PLOD3: variants seen among roughly 807,000 people sequenced by gnomAD.
PLOD3 encodes multifunctional procollagen lysine hydroxylase and glycosyltransferase LH3.
In PLOD3, 73 loss-of-function variants were observed where a neutral mutation model predicts 96.9. The ratio of observed to expected loss-of-function variants is 0.75; its 90% CI spans 0.62 to 0.92. The LOEUF is 0.92. PLOD3 is among the 40% of genes least tolerant of loss of function. The probability of loss-of-function intolerance (pLI) is 0.00; values close to 1 mark genes in which losing one functional copy is unlikely to be tolerated. For synonymous variants in PLOD3, 454 were observed against 413.7 expected (o/e 1.10, Z -1.18); for missense variants, 1,004 against 1,004.3 (o/e 1.00, Z 0.00).
At chr7:101,210,788 T>C in intron 12 of PLOD3, 115 bp from the exon 13 acceptor site, 2 of 1,151,992 alleles carry the variant, frequency 1.7e-6, no homozygotes, top group South Asian at 2.8e-5. Context: ...ATAAGGCCCC[T>C]GCATGTCCCT....
chr7:101,215,739 C>T (rs1161611682), intron 5 of PLOD3, among the ~76,000 whole-genome samples, 169 bp downstream of exon 5: 1 of 152,124 alleles, frequency 6.6e-6, no homozygotes, highest in Non-Finnish European at 1.5e-5. Flanking sequence ...TGGACTCAAG[C>T]AATCCTCCTG....
rs761576023 is a variant in PLOD3 at position 101,206,862 on chromosome 7, C to T, written c.1978G>A (p.Glu660Lys). The change falls in exon 18 of 19, where the codon GAG (glutamate) becomes AAG (lysine). Residue 660 changes from glutamate (E) to lysine (K), a missense_variant. By Grantham distance (56) the Glu-to-Lys change is moderately conservative (BLOSUM62 1). Around this residue, in one of 5 missense-constraint regions of PLOD3, gnomAD observed 222 missense variants for 220.4 expected, o/e 1.01. Coordinates refer to ENST00000223127, the MANE Select transcript of PLOD3 (RefSeq NM_001084.5). ...MNFVVRYRPD[E>K]QPSLRPHHDS... is the part of the protein sequence containing the mutation. The stretch of plus-strand genomic sequence containing the variant: ...TGGTGTGGCCGCAGAGACGGCTGCT[C>T]GTCTGGCCGGTAGCGAACCACAAAG... The T allele has an allele frequency of 9.6e-6, 15 of 1,562,776 alleles. No individual in the cohort carries two copies. Among genetic ancestry groups the T allele is most frequent in the East Asian group, 7.1e-5 (3 of 42,236 alleles).
chr7:101,216,544 G>A lies in PLOD3; in HGVS notation c.204C>T (p.Thr68=), dbSNP rs1053226368. The A allele has an allele frequency of 6.2e-7, 1 of 1,613,988 alleles. No homozygotes were observed. The highest frequency in any genetic ancestry group is 1.7e-5 in the Admixed American group (1 of 59,998). The stretch of plus-strand genomic sequence containing the variant: ...CTCGCCACTCCTCTCCCAGGCCCAG[G>A]GTCTGTGGAGAAGATTGCCCCGTGC... ...SAEFFNYTVR[T]LGLGEEWRGG... is the part of the protein sequence containing the mutation. The change falls in exon 3 of 19, where the codon ACC becomes ACT. Residue 68 remains threonine (T), a splice_region_variant and synonymous_variant. Coordinates refer to ENST00000223127, the MANE Select transcript of PLOD3 (RefSeq NM_001084.5).
At chr7:101,215,365 A>C (rs539745568) in intron 5 of PLOD3, among the ~76,000 whole-genome samples, 14 of 152,296 alleles carry the variant, frequency 9.2e-5, no homozygotes, top group South Asian at 4.1e-4. Context: ...GGAGAGTGTC[A>C]CCACGCCTGG....
At chr7:101,214,843 A>G (rs1377213302) in intron 6 of PLOD3, among the ~76,000 whole-genome samples, 1 of 152,216 alleles carries the variant, frequency 6.6e-6, no homozygotes. Context: ...TCTCAAAAAA[A>G]AAAGTCCCTG....
At chr7:101,215,830 G>T (rs1426617095) in intron 5 of PLOD3, 78 bp downstream of exon 5, 1 of 1,001,516 alleles carries the variant, frequency 1.0e-6, no homozygotes, top group Non-Finnish European at 1.6e-6. Flanking sequence ...AACCCCCTTT[G>T]CTCCCCAAAT....
Position 101,208,835 on chromosome 7 carries a change from C to T in PLOD3, c.1788+18G>A. The T allele has an allele frequency of 6.5e-7, 1 of 1,529,686 alleles. No homozygotes were observed. Among genetic ancestry groups the T allele is most frequent in the Non-Finnish European group, 9.1e-7 (1 of 1,103,232 alleles). 94.8% of individuals were successfully genotyped at this position (1,529,686 alleles called of 1,614,324 possible). A position where few individuals can be genotyped will look rare whatever the true frequency, so the allele number is the denominator to read the frequency against. On this transcript the variant is annotated intron_variant, in intron 16 of 18. Coordinates refer to ENST00000223127, the MANE Select transcript of PLOD3 (RefSeq NM_001084.5). ...CCTCCTCTGGGAAGGCCTCTGCCCTCCTCGCCCAGGCCCTTACCTCATGCC... is the reference window on the plus strand; with the variant it reads ...CCTCCTCTGGGAAGGCCTCTGCCCTTCTCGCCCAGGCCCTTACCTCATGCC...
At position 101,212,396 on chromosome 7, in the gene PLOD3, G is replaced by A. The variant is rs892836045; in HGVS notation, c.1006-22C>T. On this transcript the variant is annotated intron_variant, in intron 9 of 18. Transcript: ENST00000223127. ...CCTCCTGGGAGGGGAAGACATAGGG[G>A]GATGGGCTCAGAGGGCAGGGAGGCG... 9 of 1,612,584 alleles carry A rather than the reference G, an allele frequency of 5.6e-6. No individual in the cohort carries two copies. In the South Asian group the frequency reaches 9.9e-5, roughly 18 times the overall value.
Position 101,207,593 on chromosome 7 carries a change from G to A in PLOD3, c.1920C>T (p.Pro640=), listed in dbSNP as rs760975258. 19 of 1,614,040 alleles carry A rather than the reference G, an allele frequency of 1.2e-5. No homozygotes were observed. Among genetic ancestry groups the A allele is most frequent in the Middle Eastern group, 3.3e-4 (2 of 6,060 alleles). Residue 640 remains proline (P), a synonymous_variant, in exon 17 of 19, where the codon CCC becomes CCT. Transcript: ENST00000223127. ...YVGPMTESLF[P]GYHTKARAVM... ...GGCAGCGCACCTTGGTGTGGTAACCGGGAAACAGGCTCTCGGTCATGGGGC... is the reference window on the plus strand; with the variant it reads ...GGCAGCGCACCTTGGTGTGGTAACCAGGAAACAGGCTCTCGGTCATGGGGC...
Position 101,210,342 on chromosome 7 carries a change from C to T in PLOD3, c.1603G>A (p.Asp535Asn), listed in dbSNP as rs1000275756. 8.1e-6 allele frequency: 13 copies of T among 1,613,780 alleles called. No homozygotes were observed. Among genetic ancestry groups the T allele is most frequent in the African/African-American group, 6.7e-5 (5 of 74,936 alleles). Reference sequence around the variant, plus strand: ...GGGTCCCCACTCACGACGGGGTTGTCGAAGATCTGCCAGAGGTCGGGGTGC... The same window carrying T: ...GGGTCCCCACTCACGACGGGGTTGTTGAAGATCTGCCAGAGGTCGGGGTGC... ...HLHPDLWQIF[D>N]NPVDWKEQYI... The change falls in exon 14 of 19, where the codon GAC becomes AAC. Residue 535 changes from aspartate (D) to asparagine (N), a missense_variant. By Grantham distance (23) the Asp-to-Asn change is conservative. This residue lies in a region of PLOD3 where 65 missense variants were observed against 68.8 expected (regional missense o/e 0.94). Transcript: ENST00000223127.
rs368456141 is a variant in PLOD3, at chr7:101,206,903, G to A, written c.1937C>T (p.Ala646Val). 1.0e-5 allele frequency: 16 copies of A among 1,556,096 alleles called. No individual in the cohort carries two copies. Among genetic ancestry groups the A allele is most frequent in the East Asian group, 2.4e-5 (1 of 41,680 alleles). Residue 646 changes from alanine (A) to valine (V), a missense_variant and splice_region_variant, in exon 18 of 19, where the codon GCG (alanine) becomes GTG (valine). This residue lies in a region of PLOD3 where 222 missense variants were observed against 220.4 expected (regional missense o/e 1.01). Coordinates refer to ENST00000223127, the MANE Select transcript of PLOD3 (RefSeq NM_001084.5). The part of the protein sequence containing the change: ...ESLFPGYHTK[A>V]RAVMNFVVRY... Reference sequence around the variant, plus strand: ...AACCACAAAGTTCATCACCGCCCGCGCCTGGGGGAGAGGAGGGAAGAGGCT... The same window carrying A: ...AACCACAAAGTTCATCACCGCCCGCACCTGGGGGAGAGGAGGGAAGAGGCT...
chr7:101,207,429 G>A, intron 17 of PLOD3, 149 bp downstream of exon 17: 1 of 805,022 alleles, frequency 1.2e-6, no homozygotes, highest in Non-Finnish European at 2.0e-6. Flanking sequence ...TCCCTCCCCT[G>A]GGGTGCCTCC....
At chr7:101,210,070 G>GAGGGGAGGC in intron 15 of PLOD3, 23 bp downstream of exon 15, 1 of 1,522,816 alleles carries the variant, frequency 6.6e-7, no homozygotes, top group Non-Finnish European at 8.9e-7. Flanking sequence ...CAGGGGGTGG[G>GAGGGGAGGC]TGGGGAGGCT....
In PLOD3 at chr7:101,211,970, T is replaced by C; in HGVS notation, c.1128-20A>G. On this transcript the variant is annotated intron_variant, in intron 10 of 18. Transcript: ENST00000223127. Reference sequence around the variant, plus strand: ...AGGTCCCTGGAGGTGAGAGGCGAGCTGAGACGGCGGCAGGTGGGGAGGCGG... The same window carrying C: ...AGGTCCCTGGAGGTGAGAGGCGAGCCGAGACGGCGGCAGGTGGGGAGGCGG... 2 of 1,544,528 alleles carry C rather than the reference T, an allele frequency of 1.3e-6. No individual in the cohort carries two copies. Among genetic ancestry groups the C allele is most frequent in the Non-Finnish European group, 1.8e-6 (2 of 1,130,186 alleles).
chr7:101,207,013 G>A (rs555960876), intron 17 of PLOD3, 109 bp from the exon 18 acceptor site: 1 of 1,293,860 alleles, frequency 7.7e-7, no homozygotes, highest in Non-Finnish European at 1.1e-6. Context: ...CACTCAGGCT[G>A]GAGTGCAGTG....
rs1798299029 is a variant in PLOD3 at position 101,217,503 on chromosome 7, G to GCGCCCCGCCACAGACA, written c.-230_-229insTGTCTGTGGCGGGGCG. On this transcript the variant is annotated 5_prime_UTR_variant, in exon 1 of 19. The change creates a premature stop within an existing upstream ORF in the 5' untranslated region. Coordinates refer to ENST00000223127, the MANE Select transcript of PLOD3 (RefSeq NM_001084.5). ...GGCGAGGATTGTCCCGGGCGCACGGGAGGCGGGGGAGGGGCGGCGGCTCGG... is the reference window on the plus strand; with the variant it reads ...GGCGAGGATTGTCCCGGGCGCACGGGCGCCCCGCCACAGACAAGGCGGGGGAGGGGCGGCGGCTCGG... 6.1e-6 allele frequency: 3 copies of GCGCCCCGCCACAGACA among 494,326 alleles called. No individual in the cohort carries two copies. The highest frequency in any genetic ancestry group is 3.9e-5 in the Admixed American group (1 of 25,540). The allele number at this position is 494,326 out of a possible 1,614,324, so 30.6% of individuals were successfully genotyped here. A position where few individuals can be genotyped will look rare whatever the true frequency, so the allele number is the denominator to read the frequency against.
chr7:101,212,847 C>T lies in PLOD3; in HGVS notation c.874G>A (p.Gly292Arg), dbSNP rs1158264387. The change falls in exon 8 of 19, where the codon GGG becomes AGG. Residue 292 changes from glycine (G) to arginine (R), a missense_variant. This residue lies in a region of PLOD3 where 690 missense variants were observed against 650.2 expected (regional missense o/e 1.06). Transcript: ENST00000223127. ...CCCTGGCACCCCCACCTCACCTGCC[C>T]CCCCGGGAGTGTCCTCCGGTCCTGG... ...CNQDRRTLPGGQPPPRVFLAV... is the reference protein window; with the variant it reads ...CNQDRRTLPGRQPPPRVFLAV... The T allele has an allele frequency of 6.2e-7, 1 of 1,611,090 alleles. No individual in the cohort carries two copies. The highest frequency in any genetic ancestry group is 8.5e-7 in the Non-Finnish European group (1 of 1,177,648).
Position 101,210,116 on chromosome 7 carries a change from C to G in PLOD3, c.1660G>C (p.Glu554Gln). The G allele has an allele frequency of 6.2e-7, 1 of 1,604,096 alleles. No homozygotes were observed. Among genetic ancestry groups the G allele is most frequent in the Non-Finnish European group, 8.5e-7 (1 of 1,175,564 alleles). Residue 554 changes from glutamate (E) to glutamine (Q), a missense_variant, in exon 15 of 19, where the codon GAA becomes CAA. This residue lies in a region of PLOD3 where 65 missense variants were observed against 68.8 expected (regional missense o/e 0.94). Transcript: ENST00000223127. ...ACCTGCTCCACGATTCCTTCCCCTT[C>G]CAGGGCCCGGCTGTAGTTCTCGTGG... The part of the protein sequence containing the change: ...YIHENYSRAL[E>Q]GEGIVEQPCP...
In PLOD3 at chr7:101,216,113, CTG is replaced by C. The variant is rs777588591; in HGVS notation, c.502+48_502+49del. On this transcript the variant is annotated intron_variant, in intron 4 of 18. Transcript: ENST00000223127. Reference sequence around the variant, plus strand: ...CCAGCCCTCAGGCGCCTTTAACACTCTGTGTCCCACCGCTCTTGGCCCCTCTG... The same window carrying C: ...CCAGCCCTCAGGCGCCTTTAACACTCTGTCCCACCGCTCTTGGCCCCTCTG... The C allele has an allele frequency of 2.4e-5, 38 of 1,612,306 alleles. No homozygotes were observed. In the African/African-American group the frequency reaches 4.2e-4, roughly 18 times the overall value.
Sources: allele counts gnomAD v4.1 joint callset (sites outside exome capture counted in the v4.1 genomes callset), GRCh38; gene constraint gnomAD v4.1.1; regional missense constraint gnomAD v4.1.1; transcripts MANE v1.5; gene names NCBI Gene and HGNC (gene_info 2026-07-23, HGNC 2026-07-21).